CTDSPL: variants seen among roughly 807,000 people sequenced by gnomAD.
CTDSPL encodes CTD small phosphatase like.
CTDSPL carries 8 observed loss-of-function variants against 30.5 expected under a neutral mutation model. The observed-to-expected ratio is 0.26, with a 90% CI of 0.15 to 0.47. The LOEUF is 0.47. Ranked by LOEUF, CTDSPL falls within the 20% of genes least tolerant of loss-of-function variation. CTDSPL has a pLI of 0.99. For missense variants in CTDSPL, 248 were observed against 366.1 expected, an observed-to-expected ratio of 0.68 and a Z score of 2.63; for synonymous variants, 110 against 137.9, an observed-to-expected ratio of 0.80 and a Z score of 1.42.
intron 1 of CTDSPL, among the ~76,000 whole-genome samples, chr3:37,942,722 C>G (rs1196377087): frequency 6.6e-6 from 1 of 150,390 alleles, no homozygotes; most frequent in African/African-American, 2.4e-5. Context: ...TCACAACAAA[C>G]CCTAAGATGG....
At chr3:37,976,074 G>A (rs1013455429) in intron 7 of CTDSPL, among the ~76,000 whole-genome samples, 180 bp downstream of exon 7, 1 of 152,090 alleles carries the variant, frequency 6.6e-6, no homozygotes, top group Admixed American at 6.5e-5. Flanking sequence ...ACTGAGCCTC[G>A]GTTGCCTCAT....
chr3:37,950,306 G>GAAA (rs1280071407), intron 2 of CTDSPL, among the ~76,000 whole-genome samples: 6 of 152,148 alleles, frequency 3.9e-5, no homozygotes, highest in Non-Finnish European at 8.8e-5. Context: ...TGCAAGCAAA[G>GAAA]AAAAATGCAG....
chr3:37,973,377 C>T (rs1338733881), intron 6 of CTDSPL, among the ~76,000 whole-genome samples: 2 of 152,228 alleles, frequency 1.3e-5, no homozygotes, highest in Admixed American at 1.3e-4. Flanking sequence ...AACACTCTTC[C>T]TTGGCATTGT....
At chr3:37,927,971 T>G (rs1222842691) in intron 1 of CTDSPL, among the ~76,000 whole-genome samples, 1 of 152,140 alleles carries the variant, frequency 6.6e-6, no homozygotes, top group Non-Finnish European at 1.5e-5. Flanking sequence ...TATTTCTCTT[T>G]GTATAATATC....
chr3:37,980,914 C>T lies in CTDSPL; in HGVS notation c.*47C>T. On this transcript the variant is annotated 3_prime_UTR_variant, in exon 8 of 8. Coordinates refer to ENST00000273179, the MANE Select transcript of CTDSPL (RefSeq NM_001008392.2). The stretch of plus-strand genomic sequence containing the variant: ...CGCCTGTGCACTCTGGAACCTCTGG[C>T]CTCAGGGGACCTGCCTGTCCTCAGC... 1 of 1,582,706 alleles carries T rather than the reference C, an allele frequency of 6.3e-7. No homozygotes were observed. The highest frequency in any genetic ancestry group is 8.6e-7 in the Non-Finnish European group (1 of 1,159,512).
At chr3:37,944,961 A>G (rs1699018541) in intron 1 of CTDSPL, among the ~76,000 whole-genome samples, 1 of 149,592 alleles carries the variant, frequency 6.7e-6, no homozygotes, top group Admixed American at 6.7e-5. Context: ...TGAATTTTTT[A>G]GTATGTAAGT....
At chr3:37,923,719 G>T (rs556403709) in intron 1 of CTDSPL, among the ~76,000 whole-genome samples, 9 of 151,844 alleles carry the variant, frequency 5.9e-5, no homozygotes, top group African/African-American at 1.9e-4. Context: ...ACATTTTAAC[G>T]TGCATATTTC....
In CTDSPL at chr3:37,980,884, C is replaced by A; in HGVS notation, c.*17C>A. On this transcript the variant is annotated 3_prime_UTR_variant, in exon 8 of 8. Coordinates refer to ENST00000273179, the MANE Select transcript of CTDSPL (RefSeq NM_001008392.2). ...AATAGGTAGCCCTGGCCTCTGCCTG[C>A]CTCCCGCCTGTGCACTCTGGAACCT... The A allele has an allele frequency of 6.2e-7, 1 of 1,611,488 alleles. No individual in the cohort carries two copies. The highest frequency in any genetic ancestry group is 1.1e-5 in the South Asian group (1 of 90,872).
At chr3:37,964,126 A>C (rs1483974068) in intron 3 of CTDSPL, among the ~76,000 whole-genome samples, 1 of 151,018 alleles carries the variant, frequency 6.6e-6, no homozygotes, top group African/African-American at 2.4e-5. Flanking sequence ...AATTTCAGGC[A>C]AAATATGACC....
At chr3:37,870,571 C>G (rs1436343838) in intron 1 of CTDSPL, among the ~76,000 whole-genome samples, 2 of 152,072 alleles carry the variant, frequency 1.3e-5, no homozygotes, top group African/African-American at 4.8e-5. Flanking sequence ...GATTTCTGTT[C>G]TTATCTTTAT....
intron 2 of CTDSPL, among the ~76,000 whole-genome samples, chr3:37,951,395 G>C (rs909355617): frequency 1.7e-4 from 26 of 151,702 alleles, no homozygotes; most frequent in Non-Finnish European, 5.9e-5. Context: ...TTAGAAATAG[G>C]CTGGGTGCAG....
intron 7 of CTDSPL, among the ~76,000 whole-genome samples, chr3:37,979,073 G>A (rs151067328): frequency 6.6e-6 from 1 of 152,110 alleles, no homozygotes; most frequent in African/African-American, 2.4e-5. Context: ...AATAATTTCA[G>A]TAGCGGTACT....
At chr3:37,890,104 C>T (rs1698307748) in intron 1 of CTDSPL, among the ~76,000 whole-genome samples, 1 of 152,160 alleles carries the variant, frequency 6.6e-6, no homozygotes, top group African/African-American at 2.4e-5. Context: ...GTGGTGTAGG[C>T]CCAGCTACTT....
Position 37,877,105 on chromosome 3 carries a change from CAA to C in CTDSPL, c.79+14844_79+14845del, listed in dbSNP as rs35298466. On this transcript the variant is annotated intron_variant, in intron 1 of 7. Coordinates refer to ENST00000273179, the MANE Select transcript of CTDSPL (RefSeq NM_001008392.2). Reference sequence around the variant, plus strand: ...TGGGTGACACAGTGAGACTCTGTCTCAAAAAAAAAAAAAAAAAATTGATCGTC... The same window carrying C: ...TGGGTGACACAGTGAGACTCTGTCTCAAAAAAAAAAAAAAAATTGATCGTC... Among the ~76,000 whole-genome samples the C allele has an allele frequency of 2.3e-3, 196 of 84,576 alleles. 1 individual carries two copies. Among genetic ancestry groups the C allele is most frequent in the Middle Eastern group, 6.3e-3 (1 of 160 alleles). The allele number at this position is 84,576 out of a possible 152,430, so 55.5% of individuals were successfully genotyped here.
chr3:37,922,421 T>C (rs1476615738), intron 1 of CTDSPL, among the ~76,000 whole-genome samples: 1 of 152,120 alleles, frequency 6.6e-6, no homozygotes, highest in Admixed American at 6.5e-5. Context: ...AGCAGTACGC[T>C]GAGGCCCCCA....
At chr3:37,958,422 A>G (rs78494042) in intron 3 of CTDSPL, among the ~76,000 whole-genome samples, 1 of 152,204 alleles carries the variant, frequency 6.6e-6, no homozygotes, top group Non-Finnish European at 1.5e-5. Flanking sequence ...TTTAACCTTT[A>G]TATAAAGTAG....
intron 1 of CTDSPL, among the ~76,000 whole-genome samples, chr3:37,911,194 A>G (rs967454209): frequency 1.3e-5 from 2 of 152,250 alleles, no homozygotes; most frequent in African/African-American, 4.8e-5. Context: ...CAGGAAATCA[A>G]AGCAGAGGGC....
intron 2 of CTDSPL, among the ~76,000 whole-genome samples, chr3:37,950,034 T>C (rs1025592357): frequency 6.6e-6 from 1 of 152,218 alleles, no homozygotes; most frequent in Non-Finnish European, 1.5e-5. Flanking sequence ...GCGGATCGCC[T>C]TGGAAAGAGC....
intron 1 of CTDSPL, among the ~76,000 whole-genome samples, chr3:37,899,263 A>C (rs866722980): frequency 9.2e-5 from 14 of 152,310 alleles, no homozygotes; most frequent in South Asian, 2.1e-4. Flanking sequence ...GAGAGAGACT[A>C]AACATTCCTG....
Sources: gnomAD v4.1 joint callset for allele counts (sites outside exome capture counted in the v4.1 genomes callset) on GRCh38, gnomAD v4.1.1 for gene constraint, MANE v1.5 for transcripts, NCBI Gene and HGNC (gene_info 2026-07-23, HGNC 2026-07-21) for gene names.